PLXNA4: variants seen among roughly 807,000 people sequenced by gnomAD.
The protein encoded by PLXNA4 is plexin-A4.
A neutral mutation model predicts 191.8 loss-of-function variants in PLXNA4; 44 were observed. That is an observed-to-expected ratio of 0.23 (90% CI 0.18 to 0.29). The LOEUF is 0.29. PLXNA4 is among the 10% of genes least tolerant of loss of function. PLXNA4 has a pLI of 1.00. For missense variants in PLXNA4, 1,800 were observed against 2,488.8 expected (o/e 0.72, Z 5.89); for synonymous variants, 1,082 against 1,009.5 (o/e 1.07, Z -1.36).
chr7:132,257,285 T>C (rs1799466681), intron 4 of PLXNA4, among the ~76,000 whole-genome samples: 1 of 152,348 alleles, frequency 6.6e-6, no homozygotes, highest in African/African-American at 2.4e-5. Context: ...CAGAGTTGGC[T>C]TGGAGAATTT....
At chr7:132,543,509 C>A (rs989453854) in intron 1 of PLXNA4, among the ~76,000 whole-genome samples, 1 of 152,190 alleles carries the variant, frequency 6.6e-6, no homozygotes, top group African/African-American at 2.4e-5. Flanking sequence ...TTGAAAATAT[C>A]TTCTCCACTT....
chr7:132,278,988 ATTGTGTCTC>A (rs1284198377), intron 4 of PLXNA4, among the ~76,000 whole-genome samples: 1 of 152,216 alleles, frequency 6.6e-6, no homozygotes, highest in Non-Finnish European at 1.5e-5. Flanking sequence ...TCTGTACCAC[ATTGTGTCTC>A]TTGCAAACTG....
intron 3 of PLXNA4, among the ~76,000 whole-genome samples, chr7:132,316,683 T>C (rs538549109): frequency 6.6e-6 from 1 of 152,310 alleles, no homozygotes; most frequent in South Asian, 2.1e-4. Context: ...GGATGGGAAA[T>C]GACTCTCCAA....
chr7:132,419,047 C>T (rs1794758226), intron 3 of PLXNA4, among the ~76,000 whole-genome samples: 1 of 152,186 alleles, frequency 6.6e-6, no homozygotes, highest in Non-Finnish European at 1.5e-5. Flanking sequence ...TATTAGCTGT[C>T]AATCAAAGGG....
chr7:132,300,279 C>G (rs1053895187), intron 3 of PLXNA4, among the ~76,000 whole-genome samples: 1 of 152,080 alleles, frequency 6.6e-6, no homozygotes. Context: ...AGAGTCCTTG[C>G]TCCCAGAGGG....
chr7:132,646,502 T>C (rs538656924), intron 1 of PLXNA4, among the ~76,000 whole-genome samples: 19 of 152,200 alleles, frequency 1.2e-4, no homozygotes, highest in African/African-American at 2.4e-5. Flanking sequence ...GTCCCAGTGA[T>C]GGAATTAGTG....
rs143223430 is a variant in PLXNA4 at position 132,480,935 on chromosome 7, G to A, written c.1371+8357C>T. Among the ~76,000 whole-genome samples the A allele has an allele frequency of 5.0e-3, 759 of 152,284 alleles. 15 individuals are homozygous for A. Among genetic ancestry groups the A allele is most frequent in the African/African-American group, 0.017 (716 of 41,560 alleles). ...GCCCTTGAGGACTCGAAATGTGAAG[G>A]CCGAGGCAGCCAGCTGAGGCTGAAT... On this transcript the variant is annotated intron_variant, in intron 3 of 31. Coordinates refer to ENST00000321063, the MANE Select transcript of PLXNA4 (RefSeq NM_020911.2).
At chr7:132,583,228 G>A (rs544457383) in intron 2 of PLXNA4, among the ~76,000 whole-genome samples, 2 of 152,284 alleles carry the variant, frequency 1.3e-5, no homozygotes, top group East Asian at 1.9e-4. Context: ...GGGGCTCCAG[G>A]GTGAGTCCTT....
chr7:132,377,510 T>C (rs1382803828), intron 3 of PLXNA4, among the ~76,000 whole-genome samples: 1 of 151,776 alleles, frequency 6.6e-6, no homozygotes, highest in Admixed American at 6.6e-5. Context: ...GTAGGAAAAC[T>C]GAGGTGCAAG....
At chr7:132,184,334 G>A (rs541445794) in intron 16 of PLXNA4, among the ~76,000 whole-genome samples, 1 of 152,370 alleles carries the variant, frequency 6.6e-6, no homozygotes, top group African/African-American at 2.4e-5. Context: ...GGTGAGAACT[G>A]TTAAGGCCAC....
chr7:132,392,287 A>G (rs1022995061), intron 3 of PLXNA4, among the ~76,000 whole-genome samples: 6 of 152,198 alleles, frequency 3.9e-5, no homozygotes, highest in Non-Finnish European at 8.8e-5. Flanking sequence ...TACATTAACA[A>G]GAGTATATAT....
intron 25 of PLXNA4, among the ~76,000 whole-genome samples, chr7:132,156,185 C>G (rs187884651): frequency 6.8e-6 from 1 of 147,030 alleles, no homozygotes; most frequent in East Asian, 2.0e-4. Flanking sequence ...CACACACAGA[C>G]GCACACACGC....
chr7:132,147,791 T>C, intron 27 of PLXNA4, 109 bp downstream of exon 27: 2 of 1,438,240 alleles, frequency 1.4e-6, no homozygotes, highest in Non-Finnish European at 1.9e-6. Context: ...GCCTGTCTGA[T>C]GCCCCATCTC....
chr7:132,644,451 T>C (rs1803816105), intron 2 of PLXNA4, among the ~76,000 whole-genome samples: 2 of 152,218 alleles, frequency 1.3e-5, no homozygotes, highest in Non-Finnish European at 2.9e-5. Context: ...CCATGGCTCT[T>C]CTGCCTGGCA....
chr7:132,474,512 G>A (rs147130321), intron 3 of PLXNA4, among the ~76,000 whole-genome samples: 257 of 152,032 alleles, frequency 1.7e-3, no homozygotes, highest in African/African-American at 6.0e-3. Flanking sequence ...TTACAACACC[G>A]CACATGTTAC....
intron 3 of PLXNA4, among the ~76,000 whole-genome samples, chr7:132,415,111 A>G (rs1293066812): frequency 6.6e-6 from 1 of 152,164 alleles, no homozygotes; most frequent in Non-Finnish European, 1.5e-5. Context: ...TTCATTTGCT[A>G]TTTAGACATC....
intron 23 of PLXNA4, 33 bp downstream of exon 23, chr7:132,165,101 C>T: frequency 6.2e-7 from 1 of 1,606,264 alleles, no homozygotes. Flanking sequence ...ATGAACGAGG[C>T]AAGGCCAGAA....
intron 29 of PLXNA4, among the ~76,000 whole-genome samples, chr7:132,144,296 T>A (rs1322203846): frequency 6.6e-6 from 1 of 152,208 alleles, no homozygotes; most frequent in Non-Finnish European, 1.5e-5. Flanking sequence ...GACCCAGCTT[T>A]ATGCAAGCTT....
chr7:132,307,915 A>G (rs1294432328), intron 3 of PLXNA4, among the ~76,000 whole-genome samples: 1 of 152,122 alleles, frequency 6.6e-6, no homozygotes, highest in Non-Finnish European at 1.5e-5. Flanking sequence ...CGTGTTACCA[A>G]ACACTGCCAG....
Sources: gnomAD v4.1 joint callset for allele counts (sites outside exome capture counted in the v4.1 genomes callset) on GRCh38, gnomAD v4.1.1 for gene constraint, MANE v1.5 for transcripts, NCBI Gene and HGNC (gene_info 2026-07-23, HGNC 2026-07-21) for gene names.